The following CAPS2 variants were observed in gnomAD, a reference collection of about 807,000 sequenced individuals.
CAPS2 encodes the protein calcyphosin-2.
Under a neutral mutation model 86.5 loss-of-function variants are expected in CAPS2, and 98 were observed. The ratio of observed to expected loss-of-function variants is 1.13; its 90% CI spans 0.96 to 1.34. The LOEUF is 1.34. Among genes scored for constraint, CAPS2 ranks in the 40% most tolerant of loss-of-function variants. The pLI is 0.00. For synonymous variants in CAPS2, 210 were observed against 225.1 expected (o/e 0.93, Z 0.60); for missense variants, 729 against 686.8 (o/e 1.06, Z -0.69).
chr12:75,350,616 G>A (rs2042742298), intron 1 of CAPS2, among the ~76,000 whole-genome samples: 1 of 151,982 alleles, frequency 6.6e-6, no homozygotes, highest in Non-Finnish European at 1.5e-5. Context: ...ACAGAAAAGG[G>A]GCCTTACTGC....
At chr12:75,308,371 G>T (rs185947107) in intron 7 of CAPS2, among the ~76,000 whole-genome samples, 17 of 152,294 alleles carry the variant, frequency 1.1e-4, no homozygotes, top group Non-Finnish European at 2.2e-4. Context: ...AGTAACCAAT[G>T]GGAAACCTCT....
intron 15 of CAPS2, 110 bp downstream of exon 15, chr12:75,284,851 A>G: frequency 9.8e-7 from 1 of 1,015,398 alleles, no homozygotes; most frequent in Non-Finnish European, 1.4e-6. Flanking sequence ...AACCCAACAT[A>G]TAAGTAAATA....
At chr12:75,376,725 C>T (rs1272961507) in intron 1 of CAPS2, among the ~76,000 whole-genome samples, 1 of 152,176 alleles carries the variant, frequency 6.6e-6, no homozygotes, top group Non-Finnish European at 1.5e-5. Context: ...CCATTCTTTT[C>T]CAATCAATGT....
chr12:75,325,367 C>A, intron 1 of CAPS2, 79 bp from the exon 3 acceptor site: 3 of 1,035,732 alleles, frequency 2.9e-6, no homozygotes, highest in South Asian at 1.7e-5. Context: ...CACAATAAGT[C>A]AATGCAATAA....
chr12:75,295,330 G>T (rs1029469803), intron 11 of CAPS2, among the ~76,000 whole-genome samples: 6 of 152,098 alleles, frequency 3.9e-5, no homozygotes, highest in African/African-American at 1.4e-4. Context: ...GGCAAATAAA[G>T]CCTTTTGGGA....
Position 75,349,782 on chromosome 12 carries a change from A to G in CAPS2, c.-394-26560T>C, listed in dbSNP as rs187872294. 5.9e-3 allele frequency among the ~76,000 whole-genome samples: 899 copies of G among 152,350 alleles called. 9 individuals carry two copies. The highest frequency in any genetic ancestry group is 7.5e-3 in the Non-Finnish European group (508 of 68,038). On this transcript the variant is annotated intron_variant, in intron 1 of 5. Transcript: ENST00000551829. ...CAGGAGTTCAAGACTGCAGTGAGCC[A>G]TGATTGCCTTGAGAAACAGAGCAAG...
rs1282444398 is a variant in CAPS2, at chr12:75,282,426, AC to A, written c.1516-80del. 4.4e-6 allele frequency: 4 copies of A among 905,510 alleles called. No homozygotes were observed. In the African/African-American group the frequency reaches 4.9e-5, roughly 11 times the overall value. The allele number at this position is 905,510 out of a possible 1,614,324, so 56.1% of individuals were successfully genotyped here. A position where few individuals can be genotyped will look rare whatever the true frequency, so the allele number is the denominator to read the frequency against. ...CTTTGAGACAGAGTCTCGCTCTGTC[AC>A]CCAGACTGGAGTGCAATGGCGTGAT... On this transcript the variant is annotated intron_variant, in intron 15 of 16. Coordinates refer to ENST00000393284, the Ensembl canonical transcript of CAPS2.
chr12:75,333,449 C>T (rs183458632), upstream of CAPS2, among the ~76,000 whole-genome samples: 20 of 150,750 alleles, frequency 1.3e-4, no homozygotes, highest in Admixed American at 5.3e-4. Flanking sequence ...CACACATATA[C>T]ACACACACAC....
intron 11 of CAPS2, among the ~76,000 whole-genome samples, chr12:75,296,531 A>G (rs928728709): frequency 2.0e-5 from 3 of 152,128 alleles, no homozygotes; most frequent in African/African-American, 7.2e-5. Context: ...TGACCTCGTG[A>G]TCTGCCCCCC....
intron 14 of CAPS2, among the ~76,000 whole-genome samples, chr12:75,286,074 A>AT (rs1489216151): frequency 6.6e-6 from 1 of 152,056 alleles, no homozygotes; most frequent in East Asian, 1.9e-4. Context: ...AAGTAAATAT[A>AT]TTTTTTCAAT....
At chr12:75,382,478 A>G (rs2045051008) in intron 1 of CAPS2, among the ~76,000 whole-genome samples, 1 of 152,034 alleles carries the variant, frequency 6.6e-6, no homozygotes, top group Non-Finnish European at 1.5e-5. Flanking sequence ...CATCTCTACT[A>G]AAAATACAAA....
chr12:75,279,196 C>G (rs1358936801), intron 16 of CAPS2, 131 bp from the exon 17 acceptor site: 4 of 837,142 alleles, frequency 4.8e-6, no homozygotes, highest in East Asian at 2.7e-5. Flanking sequence ...AACTACCAGC[C>G]AATTTATTTA....
At chr12:75,297,719 C>A (rs79678071) in intron 11 of CAPS2, among the ~76,000 whole-genome samples, 1 of 152,190 alleles carries the variant, frequency 6.6e-6, no homozygotes, top group African/African-American at 2.4e-5. Flanking sequence ...TTGCCAACCT[C>A]CACCTTGAAC....
upstream of CAPS2, among the ~76,000 whole-genome samples, chr12:75,330,756 A>G (rs1184065415): frequency 6.6e-6 from 1 of 151,944 alleles, no homozygotes; most frequent in Non-Finnish European, 1.5e-5. Flanking sequence ...GCAAAGGCCT[A>G]GAAATCAAGA....
At chr12:75,299,693 T>G in intron 9 of CAPS2, 144 bp downstream of exon 9, 2 of 426,158 alleles carry the variant, frequency 4.7e-6, no homozygotes, top group Non-Finnish European at 8.6e-6. Context: ...TTAATAGCTA[T>G]TATTTTAAAA....
intron 11 of CAPS2, chr12:75,295,134 T>C (rs1437221001): frequency 1.3e-5 from 2 of 152,106 alleles, no homozygotes; most frequent in Admixed American, 6.5e-5. Context: ...CATGTCTCAA[T>C]TGAAAAAGAA....
intron 1 of CAPS2, among the ~76,000 whole-genome samples, chr12:75,339,085 T>A (rs183977368): frequency 5.4e-4 from 83 of 152,336 alleles, no homozygotes; most frequent in African/African-American, 1.9e-3. Flanking sequence ...ATGCTTATAA[T>A]AGAATGATCT....
At chr12:75,291,341 C>T (rs920557700) in intron 13 of CAPS2, among the ~76,000 whole-genome samples, 1 of 150,688 alleles carries the variant, frequency 6.6e-6, no homozygotes, top group East Asian at 2.0e-4. Flanking sequence ...ATTACTTTCA[C>T]ATTTTATTCA....
At chr12:75,356,416 A>G (rs1012004058) in intron 1 of CAPS2, among the ~76,000 whole-genome samples, 4 of 152,194 alleles carry the variant, frequency 2.6e-5, no homozygotes, top group African/African-American at 7.2e-5. Context: ...GTGATATTGT[A>G]TATGTAAAAT....
Sources: allele counts gnomAD v4.1 joint callset (sites outside exome capture counted in the v4.1 genomes callset), GRCh38; gene constraint gnomAD v4.1.1; transcripts MANE v1.5; gene names NCBI Gene and HGNC (gene_info 2026-07-23, HGNC 2026-07-21).